SBF2: variants seen among roughly 807,000 people sequenced by gnomAD.
SBF2 encodes SET binding factor 2.
SBF2 carries 112 observed loss-of-function variants against 225.2 expected under a neutral mutation model. That is an observed-to-expected ratio of 0.50 (90% CI 0.43 to 0.58). The LOEUF is 0.58. SBF2 is among the 20% of genes least tolerant of loss of function. The pLI, the probability that SBF2 is intolerant of heterozygous loss-of-function variation, is 0.00. For missense variants in SBF2, 1,996 were observed against 2,206.2 expected (o/e 0.90, Z 1.91); for synonymous variants, 763 against 773.3 (o/e 0.99, Z 0.22).
intron 1 of SBF2, among the ~76,000 whole-genome samples, chr11:10,236,322 T>TATATGCATATGC (rs970927822): frequency 5.3e-5 from 8 of 152,076 alleles, no homozygotes; most frequent in Non-Finnish European, 8.8e-5. Context: ...ATTATTTGGG[T>TATATGCATATGC]ATAGTAGTAT....
chr11:10,202,842 G>C (rs1957616544), intron 1 of SBF2, among the ~76,000 whole-genome samples: 1 of 152,080 alleles, frequency 6.6e-6, no homozygotes, highest in African/African-American at 2.4e-5. Flanking sequence ...CTCATCCAAG[G>C]TGAAGTAACA....
chr11:9,889,194 C>G (rs1860590290), intron 17 of SBF2, among the ~76,000 whole-genome samples: 1 of 152,170 alleles, frequency 6.6e-6, no homozygotes, highest in African/African-American at 2.4e-5. Flanking sequence ...TTTAATGTCA[C>G]CAACTGATTA....
At chr11:9,851,153 C>CA (rs1224795653) in intron 21 of SBF2, among the ~76,000 whole-genome samples, 13 of 120,804 alleles carry the variant, frequency 1.1e-4, no homozygotes, top group Non-Finnish European at 1.6e-4. Flanking sequence ...AAAAAAACAA[C>CA]AACAAAAAAA....
At chr11:10,220,073 A>T (rs1404121435) in intron 1 of SBF2, among the ~76,000 whole-genome samples, 1 of 152,162 alleles carries the variant, frequency 6.6e-6, no homozygotes, top group African/African-American at 2.4e-5. Flanking sequence ...CACACCAGAG[A>T]CTGCGTAATT....
intron 16 of SBF2, among the ~76,000 whole-genome samples, chr11:9,930,730 C>T (rs1430199772): frequency 6.6e-6 from 1 of 152,202 alleles, no homozygotes; most frequent in African/African-American, 2.4e-5. Flanking sequence ...GTACCTGTTT[C>T]ATCTCATTGG....
At chr11:10,013,216 T>G (rs920341469) in intron 6 of SBF2, among the ~76,000 whole-genome samples, 7 of 152,238 alleles carry the variant, frequency 4.6e-5, no homozygotes, top group African/African-American at 1.7e-4. Context: ...GACAGGCATC[T>G]GACGTTTTTC....
rs992603769 is a variant in SBF2 at position 10,280,436 on chromosome 11, C to G, written c.55+13579G>C. On this transcript the variant is annotated intron_variant, in intron 1 of 39. Transcript: ENST00000256190. ...TACCTTTAAAATGGTCACATCTATTCCATACATTTTTAAAAACTCTCACTG... is the reference window on the plus strand; with the variant it reads ...TACCTTTAAAATGGTCACATCTATTGCATACATTTTTAAAAACTCTCACTG... Among the ~76,000 whole-genome samples, 5 of 152,256 alleles carry G rather than the reference C, an allele frequency of 3.3e-5. No individual in the cohort carries two copies. The South Asian group carries it at 8.3e-4, about 25-fold the overall frequency.
chr11:10,056,323 G>T (rs564137354), intron 2 of SBF2, among the ~76,000 whole-genome samples: 143 of 152,302 alleles, frequency 9.4e-4, no homozygotes, highest in African/African-American at 3.0e-3. Flanking sequence ...TCTGTACATT[G>T]CTTTGGGCAG....
chr11:10,302,116 T>C (rs967055890), intron 1 of SBF2, among the ~76,000 whole-genome samples: 6 of 152,256 alleles, frequency 3.9e-5, no homozygotes, highest in African/African-American at 1.4e-4. Context: ...ATGCAACTTA[T>C]GTTAATAAAT....
chr11:9,848,341 C>T (rs1016088213), intron 22 of SBF2, among the ~76,000 whole-genome samples: 6 of 151,936 alleles, frequency 3.9e-5, no homozygotes, highest in Admixed American at 3.9e-4. Context: ...TTCTATGTGT[C>T]ATCAAAGGAT....
chr11:9,785,494 C>A (rs1852313129), intron 36 of SBF2, 176 bp from the exon 37 acceptor site: 1 of 634,924 alleles, frequency 1.6e-6, no homozygotes, highest in Admixed American at 2.6e-5. Context: ...AAACAACCTA[C>A]ACGTCCATTA....
At chr11:10,078,301 A>G (rs1951210075) in intron 2 of SBF2, among the ~76,000 whole-genome samples, 1 of 152,256 alleles carries the variant, frequency 6.6e-6, no homozygotes, top group African/African-American at 2.4e-5. Flanking sequence ...AGGATTATCA[A>G]TCATTCTAAT....
intron 16 of SBF2, among the ~76,000 whole-genome samples, chr11:9,956,307 T>C (rs1239895038): frequency 6.6e-6 from 1 of 152,208 alleles, no homozygotes; most frequent in East Asian, 1.9e-4. Flanking sequence ...ACGCTTCATA[T>C]GCAGCTTTAT....
At chr11:10,255,132 A>C (rs1960757732) in intron 1 of SBF2, among the ~76,000 whole-genome samples, 1 of 151,994 alleles carries the variant, frequency 6.6e-6, no homozygotes, top group Non-Finnish European at 1.5e-5. Context: ...ATAAAACTTC[A>C]GTTAGCCAAA....
intron 13 of SBF2, among the ~76,000 whole-genome samples, chr11:9,975,897 G>A (rs1024848399): frequency 6.6e-6 from 1 of 151,414 alleles, no homozygotes; most frequent in Non-Finnish European, 1.5e-5. Flanking sequence ...TAACCTGGTA[G>A]TGAAATTAAC....
At chr11:10,190,250 T>G (rs901752494) in intron 2 of SBF2, among the ~76,000 whole-genome samples, 1 of 152,220 alleles carries the variant, frequency 6.6e-6, no homozygotes, top group Non-Finnish European at 1.5e-5. Context: ...AAAAATATTG[T>G]TCATATAATC....
At chr11:10,224,517 C>T (rs550335620) in intron 1 of SBF2, among the ~76,000 whole-genome samples, 3 of 152,270 alleles carry the variant, frequency 2.0e-5, no homozygotes, top group South Asian at 2.1e-4. Flanking sequence ...ACCTCCACAA[C>T]GTCATTCATC....
In SBF2 at chr11:9,796,394, A is replaced by G. The variant is rs186017446; in HGVS notation, c.4444-437T>C. Among the ~76,000 whole-genome samples, 57 of 152,312 alleles carry G rather than the reference A, an allele frequency of 3.7e-4. No individual in the cohort carries two copies. In the East Asian group the frequency reaches 8.5e-3, roughly 23 times the overall value. On this transcript the variant is annotated intron_variant, in intron 32 of 39. Coordinates refer to ENST00000256190, the MANE Select transcript of SBF2 (RefSeq NM_030962.4). ...TGGCAATTGATAGATATATATTAAC[A>G]TAAGTTATGGTTCTTGCTTTCCAGG...
At chr11:10,136,941 C>T (rs994566803) in intron 2 of SBF2, among the ~76,000 whole-genome samples, 2 of 152,172 alleles carry the variant, frequency 1.3e-5, no homozygotes, top group Admixed American at 6.5e-5. Flanking sequence ...TGTCCATGTA[C>T]TAGAAAAATC....
Sources: gnomAD v4.1 joint callset for allele counts (sites outside exome capture counted in the v4.1 genomes callset) on GRCh38, gnomAD v4.1.1 for gene constraint, MANE v1.5 for transcripts, NCBI Gene and HGNC (gene_info 2026-07-23, HGNC 2026-07-21) for gene names.